The following NBPF26 variants were observed in gnomAD, a reference collection of about 807,000 sequenced individuals.
NBPF26 encodes the protein NBPF member 26, also known as NBPF family member NBPF26.
NBPF26 carries 79 observed loss-of-function variants against 119.6 expected under a neutral mutation model. That is an observed-to-expected ratio of 0.66 (90% CI 0.55 to 0.80). NBPF26 has a LOEUF of 0.80. Among genes scored for constraint, NBPF26 ranks in the 30% least tolerant of loss-of-function variants. NBPF26 has a pLI of 0.00. For missense variants in NBPF26, 800 were observed against 1,198.2 expected (o/e 0.67, Z 4.91); for synonymous variants, 299 against 457.7 (o/e 0.65, Z 4.43).
chr1:120,825,105 A>T (rs1652231003), intron 18 of NBPF26, among the ~76,000 whole-genome samples, 188 bp downstream of exon 19: 1 of 121,884 alleles, frequency 8.2e-6, no homozygotes, highest in African/African-American at 4.6e-5. Flanking sequence ...ATCATTTAGT[A>T]ACTTACTATA....
At chr1:120,779,967 G>T (rs1444054933) in intron 2 of NBPF26, among the ~76,000 whole-genome samples, 1 of 130,992 alleles carries the variant, frequency 7.6e-6, no homozygotes, top group Non-Finnish European at 1.6e-5. Flanking sequence ...GCTTCCTGGG[G>T]TGTGAAGGAT....
At chr1:120,823,332 AAGG>A (rs1209469200) in exon 17 of NBPF26, 2 of 1,423,372 alleles carry the variant, frequency 1.4e-6, no homozygotes, top group East Asian at 2.3e-5. Context: ...TCAAGTGAAA[AAGG>A]AGGACCACGA....
At chr1:120,838,528 G>A (rs1159393925) in intron 27 of NBPF26, among the ~76,000 whole-genome samples, 104 of 83,042 alleles carry the variant, frequency 1.3e-3, no homozygotes, top group African/African-American at 5.2e-3. Context: ...GTGTGTGTGT[G>A]TGTGTGTGTG....
chr1:120,801,747 T>G (rs1651584268), intron 4 of NBPF26, among the ~76,000 whole-genome samples: 1 of 95,520 alleles, frequency 1.0e-5, no homozygotes, highest in Non-Finnish European at 1.9e-5. Flanking sequence ...GAGGATCGCT[T>G]GAGCCTAGGA....
chr1:120,804,241 T>TG, intron 4 of NBPF26, among the ~76,000 whole-genome samples: 1 of 97,356 alleles, frequency 1.0e-5, no homozygotes. Context: ...AAAACGTAGG[T>TG]GGGGATGAAA....
chr1:120,810,186 G>T (rs1277626451), intron 8 of NBPF26, among the ~76,000 whole-genome samples, 161 bp from the exon 9 acceptor site: 1 of 119,474 alleles, frequency 8.4e-6, no homozygotes. Context: ...ATGCTCTGTT[G>T]CAGAGAGAAG....
intron 17 of NBPF26, 92 bp downstream of exon 17, chr1:120,823,452 T>G: frequency 1.4e-6 from 1 of 730,058 alleles, no homozygotes; most frequent in Middle Eastern, 3.7e-4. Context: ...AATAATGATT[T>G]TGTCTTGTCA....
At chr1:120,818,450 A>AT (rs1186869228) in intron 15 of NBPF26, among the ~76,000 whole-genome samples, 1 of 120,678 alleles carries the variant, frequency 8.3e-6, no homozygotes, top group Non-Finnish European at 1.7e-5. Context: ...GGATTCATTG[A>AT]TTTTTTGAAG....
intron 1 of NBPF26, among the ~76,000 whole-genome samples, chr1:120,752,519 A>ATATATAT (rs1651027767): frequency 1.4e-4 from 2 of 14,662 alleles, no homozygotes; most frequent in African/African-American, 9.3e-4. Flanking sequence ...GAAGTTCAGG[A>ATATATAT]ATATATATAT....
chr1:120,793,733 T>C, intron 4 of NBPF26: 1 of 707,426 alleles, frequency 1.4e-6, no homozygotes, highest in Non-Finnish European at 2.4e-6. Context: ...AATTGTTTAT[T>C]GTCCCTTTTG....
In NBPF26 at chr1:120,745,835, AC is replaced by A. The variant is rs1236535564; in HGVS notation, c.74-17792del. On this transcript the variant is annotated intron_variant, in intron 1 of 29. Transcript: ENST00000620612. ...CATCTCAAAAAAAAAAAAAAAAAAA[AC>A]AAGGTAAAGTAATTTTTCAAGAGCA... Among the ~76,000 whole-genome samples the A allele has an allele frequency of 5.5e-5, 5 of 90,990 alleles. 1 individual carries two copies. Among genetic ancestry groups the A allele is most frequent in the Admixed American group, 1.1e-4 (1 of 9,146 alleles). The allele number at this position is 90,990 out of a possible 152,430, so 59.7% of individuals were successfully genotyped here.
chr1:120,785,116 G>A, exon 3 of NBPF26: 1 of 1,446,280 alleles, frequency 6.9e-7, no homozygotes, highest in Admixed American at 1.9e-5. Flanking sequence ...TACAGGAGAG[G>A]ACTGCCAGTA....
chr1:120,765,186 A>C lies in NBPF26; in HGVS notation c.155+1477A>C, dbSNP rs1651177691. Reference sequence around the variant, plus strand: ...GGGGGAAAAAAAAAACATGTGGTGCATTCTCCTCTAAGAATGGAGATACAA... The same window carrying C: ...GGGGGAAAAAAAAAACATGTGGTGCCTTCTCCTCTAAGAATGGAGATACAA... On this transcript the variant is annotated intron_variant, in intron 2 of 29. Transcript: ENST00000620612. Among the ~76,000 whole-genome samples the C allele has an allele frequency of 1.7e-5, 2 of 119,916 alleles. 1 individual carries two copies. 78.7% of individuals were successfully genotyped at this position (119,916 alleles called of 152,430 possible). A position where few individuals can be genotyped will look rare whatever the true frequency, so the allele number is the denominator to read the frequency against.
intron 22 of NBPF26, among the ~76,000 whole-genome samples, chr1:120,832,582 T>C (rs1295039339): frequency 8.3e-6 from 1 of 120,016 alleles, no homozygotes; most frequent in East Asian, 2.1e-4. Flanking sequence ...CATTTGAGGG[T>C]ATTTGCTTTA....
intron 4 of NBPF26, among the ~76,000 whole-genome samples, chr1:120,802,373 C>T (rs1363467336): frequency 7.9e-6 from 1 of 126,222 alleles, no homozygotes; most frequent in African/African-American, 3.7e-5. Flanking sequence ...CAAAACACAA[C>T]AGCAGGACAA....
chr1:120,733,249 ACTTAAT>A (rs1471279151), intron 1 of NBPF26, among the ~76,000 whole-genome samples: 1 of 92,724 alleles, frequency 1.1e-5, no homozygotes, highest in Admixed American at 1.1e-4. Flanking sequence ...GGTAAATATT[ACTTAAT>A]CTTAATATGC....
intron 1 of NBPF26, among the ~76,000 whole-genome samples, chr1:120,754,160 G>A (rs1172620239): frequency 1.1e-4 from 5 of 44,656 alleles, no homozygotes; most frequent in Admixed American, 2.2e-4. Flanking sequence ...CTGAGATTGC[G>A]CCACTGCACT....
intron 22 of NBPF26, among the ~76,000 whole-genome samples, chr1:120,832,547 A>C (rs1224296531): frequency 2.7e-5 from 3 of 110,570 alleles, no homozygotes; most frequent in African/African-American, 5.7e-5. Context: ...ACAGGGCTAA[A>C]TATTGCAGTT....
chr1:120,806,248 G>T (rs1169843038), intron 5 of NBPF26, among the ~76,000 whole-genome samples: 1 of 123,212 alleles, frequency 8.1e-6, no homozygotes. Flanking sequence ...GGGGCTTCAA[G>T]GGGAGTCTGC....
Sources: gnomAD v4.1 joint callset for allele counts (sites outside exome capture counted in the v4.1 genomes callset) on GRCh38, gnomAD v4.1.1 for gene constraint, MANE v1.5 for transcripts, NCBI Gene and HGNC (gene_info 2026-07-23, HGNC 2026-07-21) for gene names.